ZP1: variants seen among roughly 807,000 people sequenced by gnomAD.
The protein encoded by ZP1 is zona pellucida sperm-binding protein 1.
A neutral mutation model predicts 67.4 loss-of-function variants in ZP1; 58 were observed. That is an observed-to-expected ratio of 0.86 (90% CI 0.70 to 1.07). ZP1 has a LOEUF of 1.07. ZP1 is among the 50% of genes least tolerant of loss of function. The pLI, the probability that ZP1 is intolerant of heterozygous loss-of-function variation, is 0.00. For missense variants in ZP1, 759 were observed against 807.3 expected (o/e 0.94, Z 0.72); for synonymous variants, 333 against 332.7 (o/e 1.00, Z -0.01).
intron 2 of ZP1, 87 bp downstream of exon 2, chr11:60,869,353 G>A (rs943790853): frequency 2.6e-6 from 4 of 1,567,650 alleles, no homozygotes; most frequent in Non-Finnish European, 3.5e-6. Flanking sequence ...CCAGAAAGGA[G>A]CCAAAGCCGA....
intron 6 of ZP1, among the ~76,000 whole-genome samples, chr11:60,872,817 G>A (rs548672659): frequency 2.6e-5 from 4 of 152,288 alleles, no homozygotes; most frequent in African/African-American, 9.6e-5. Context: ...CAGGCTCCAG[G>A]GGCCTCGAAC....
intron 4 of ZP1, 96 bp from the exon 5 acceptor site, chr11:60,870,861 C>G: frequency 7.2e-7 from 1 of 1,385,656 alleles, no homozygotes; most frequent in Non-Finnish European, 9.9e-7. Context: ...GTCCATTCTC[C>G]TAGACCGGCA....
chr11:60,870,340 C>T lies in ZP1; in HGVS notation c.691C>T (p.Leu231=). 6.2e-7 allele frequency: 1 copy of T among 1,605,110 alleles called. No individual in the cohort carries two copies. Among genetic ancestry groups the T allele is most frequent in the Non-Finnish European group, 8.5e-7 (1 of 1,175,916 alleles). ...VNKRDYIGTH[L]SQEQCQVASG... ...CTCTGTCCCAACCCTAGGTACCCAC[C>T]TGAGCCAGGAGCAGTGCCAGGTGGC... Residue 231 remains leucine (L), a synonymous_variant, in exon 4 of 12, where the codon CTG becomes TTG. Coordinates refer to ENST00000278853, the MANE Select transcript of ZP1 (RefSeq NM_207341.4).
chr11:60,873,785 C>G lies in ZP1; in HGVS notation c.1572+10C>G. 6.2e-7 allele frequency: 1 copy of G among 1,613,198 alleles called. No individual in the cohort carries two copies. Among genetic ancestry groups the G allele is most frequent in the Non-Finnish European group, 8.5e-7 (1 of 1,180,012 alleles). ...AGCCCTCAGAGGACTGGTAAGAAGCCCCGGCTGCCGCATGCCTGGTCCCAT... is the reference window on the plus strand; with the variant it reads ...AGCCCTCAGAGGACTGGTAAGAAGCGCCGGCTGCCGCATGCCTGGTCCCAT... On this transcript the variant is annotated intron_variant, in intron 9 of 11. Coordinates refer to ENST00000278853, the MANE Select transcript of ZP1 (RefSeq NM_207341.4).
chr11:60,871,404 G>C (rs1339518056), intron 6 of ZP1, 90 bp downstream of exon 6: 1 of 1,402,408 alleles, frequency 7.1e-7, no homozygotes, highest in Non-Finnish European at 9.8e-7. Context: ...AGCCATCTCA[G>C]CTCAAACCCA....
chr11:60,869,460 C>A (rs1590590751), intron 2 of ZP1, 77 bp from the exon 3 acceptor site: 2 of 1,529,766 alleles, frequency 1.3e-6, no homozygotes, highest in East Asian at 4.6e-5. Flanking sequence ...GCCAGCTCAG[C>A]TCTCGTGGGC....
At position 60,869,449 on chromosome 11, in the gene ZP1, G is replaced by A. The variant is rs1034621271; in HGVS notation, c.319-88G>A. On this transcript the variant is annotated intron_variant, in intron 2 of 11. Transcript: ENST00000278853. ...CCATGAATCCAGCTCCCTGCCTAATGGCCAGCTCAGCTCTCGTGGGCCCGT... is the reference window on the plus strand; with the variant it reads ...CCATGAATCCAGCTCCCTGCCTAATAGCCAGCTCAGCTCTCGTGGGCCCGT... 8.6e-6 allele frequency: 13 copies of A among 1,519,288 alleles called. No individual in the cohort carries two copies. In the African/African-American group the frequency reaches 1.4e-4, roughly 16 times the overall value. 94.1% of individuals were successfully genotyped at this position (1,519,288 alleles called of 1,614,324 possible).
chr11:60,867,721 C>T lies in ZP1; in HGVS notation c.160C>T (p.Pro54Ser). The change falls in exon 1 of 12, where the codon CCC becomes TCC. Residue 54 changes from proline to serine, a missense_variant. Transcript: ENST00000278853. ...GIKGMQLLVF[P>S]RPGQTLRFKV... ...CAAGGGAATGCAGCTGCTGGTGTTC[C>T]CCAGGCCAGGCCAGACTCTCCGCTT... The T allele has an allele frequency of 6.2e-7, 1 of 1,613,998 alleles. No individual in the cohort carries two copies. The highest frequency in any genetic ancestry group is 8.5e-7 in the Non-Finnish European group (1 of 1,179,960).
chr11:60,868,520 T>C (rs1855508770), intron 1 of ZP1, among the ~76,000 whole-genome samples: 1 of 152,180 alleles, frequency 6.6e-6, no homozygotes, highest in Non-Finnish European at 1.5e-5. Context: ...TAAGCCTCTG[T>C]TTCCTCATCT....
At position 60,873,477 on chromosome 11, in the gene ZP1, C is replaced by A. The variant is rs1015122425; in HGVS notation, c.1343C>A (p.Pro448His). 27 of 1,613,578 alleles carry A rather than the reference C, an allele frequency of 1.7e-5. No homozygotes were observed. Among genetic ancestry groups the A allele is most frequent in the Non-Finnish European group, 2.3e-5 (27 of 1,179,848 alleles). Residue 448 changes from proline to histidine, a missense_variant, in exon 8 of 12, where the codon CCC becomes CAC. Transcript: ENST00000278853. ...VEVRLLQRTD[P>H]NLVLLLHQCW... Reference sequence around the variant, plus strand: ...GTCCGGCTTCTGCAGAGGACAGACCCCAACCTGGTCCTGCTGCTGCACCAG... The same window carrying A: ...GTCCGGCTTCTGCAGAGGACAGACCACAACCTGGTCCTGCTGCTGCACCAG...
rs750092042 is a variant in ZP1 at position 60,870,351 on chromosome 11, G to A, written c.702G>A (p.Glu234=). The change falls in exon 4 of 12, where the codon GAG becomes GAA. Residue 234 remains glutamate, a synonymous_variant. Coordinates refer to ENST00000278853, the MANE Select transcript of ZP1 (RefSeq NM_207341.4). ...CCCTAGGTACCCACCTGAGCCAGGA[G>A]CAGTGCCAGGTGGCCTCAGGGCACC... ...RDYIGTHLSQ[E]QCQVASGHLP... 35 of 1,608,978 alleles carry A rather than the reference G, an allele frequency of 2.2e-5. No homozygotes were observed. The highest frequency in any genetic ancestry group is 2.7e-5 in the Non-Finnish European group (32 of 1,177,888).
At position 60,875,499 on chromosome 11, in the gene ZP1, C is replaced by T. The variant is rs1465778005; in HGVS notation, c.1775-15C>T. The stretch of plus-strand genomic sequence containing the variant: ...GGGGCCTCACCCAGCCCTGCCAATC[C>T]CGTCTCTCTGACAGACTCCAATGGG... On this transcript the variant is annotated splice_polypyrimidine_tract_variant and intron_variant, in intron 11 of 11. Coordinates refer to ENST00000278853, the MANE Select transcript of ZP1 (RefSeq NM_207341.4). 1 of 1,613,280 alleles carries T rather than the reference C, an allele frequency of 6.2e-7. No individual in the cohort carries two copies. Among genetic ancestry groups the T allele is most frequent in the African/African-American group, 1.3e-5 (1 of 74,918 alleles).
Position 60,869,551 on chromosome 11 carries a change from C to T in ZP1, c.333C>T (p.His111=), listed in dbSNP as rs1220995971. 1.2e-6 allele frequency: 2 copies of T among 1,608,142 alleles called. No homozygotes were observed. Among genetic ancestry groups the T allele is most frequent in the East Asian group, 2.2e-5 (1 of 44,794 alleles). Residue 111 remains histidine, a synonymous_variant, in exon 3 of 12, where the codon CAC becomes CAT. Coordinates refer to ENST00000278853, the MANE Select transcript of ZP1 (RefSeq NM_207341.4). ...CTCACCTGCAGGATGGGCGTTTCCACCTGAGGGTGTTCATGGAGGCTGTGC... is the reference window on the plus strand; with the variant it reads ...CTCACCTGCAGGATGGGCGTTTCCATCTGAGGGTGTTCATGGAGGCTGTGC... ...CHVLEKDGRF[H]LRVFMEAVLP... is the part of the protein sequence containing the mutation.
intron 2 of ZP1, 96 bp from the exon 3 acceptor site, chr11:60,869,441 T>G: frequency 1.3e-6 from 2 of 1,511,986 alleles, no homozygotes; most frequent in Non-Finnish European, 1.8e-6. Context: ...TCCAGCTCCC[T>G]GCCTAATGGC....
chr11:60,869,712 T>G lies in ZP1; in HGVS notation c.494T>G (p.Leu165Arg). 3 of 1,613,938 alleles carry G rather than the reference T, an allele frequency of 1.9e-6. No individual in the cohort carries two copies. Among genetic ancestry groups the G allele is most frequent in the Non-Finnish European group, 2.5e-6 (3 of 1,179,914 alleles). The change falls in exon 3 of 12, where the codon CTC (leucine) becomes CGC (arginine). Residue 165 changes from leucine to arginine, a missense_variant. Leu to Arg is a moderately radical substitution (Grantham distance 102). Transcript: ENST00000278853. ...TCAACCCCACAAACCCTTTCCTTCC[T>G]CCCCACCTCTGGCCATACCTCCCAA... ...SVSTPQTLSF[L>R]PTSGHTSQGS... is the part of the protein sequence containing the mutation.
chr11:60,869,472 C>T (rs1855525222), intron 2 of ZP1, 65 bp from the exon 3 acceptor site: 28 of 1,544,846 alleles, frequency 1.8e-5, no homozygotes, highest in South Asian at 2.5e-5. Flanking sequence ...CTCGTGGGCC[C>T]GTCCCCTGCC....
intron 1 of ZP1, among the ~76,000 whole-genome samples, chr11:60,868,039 CTTTTTTT>C (rs3044654): frequency 7.1e-6 from 1 of 140,656 alleles, no homozygotes; most frequent in African/African-American, 2.6e-5. Context: ...CATTTCTTTT[CTTTTTTT>C]TTTTTTTTTC....
At chr11:60,871,687 C>T (rs1270034329) in intron 6 of ZP1, among the ~76,000 whole-genome samples, 8 of 152,192 alleles carry the variant, frequency 5.3e-5, no homozygotes, top group Admixed American at 1.3e-4. Context: ...GCTGAGGCTA[C>T]GGCTGTTGCC....
intron 6 of ZP1, among the ~76,000 whole-genome samples, 195 bp downstream of exon 6, chr11:60,871,509 C>T (rs1396646860): frequency 6.6e-6 from 1 of 152,210 alleles, no homozygotes. Flanking sequence ...TCTCTCAGGG[C>T]AGACATGAGT....
Sources: gnomAD v4.1 joint callset for allele counts (sites outside exome capture counted in the v4.1 genomes callset) on GRCh38, gnomAD v4.1.1 for gene constraint, MANE v1.5 for transcripts, NCBI Gene and HGNC (gene_info 2026-07-23, HGNC 2026-07-21) for gene names.